The following ANO6 variants were observed in gnomAD, a reference collection of about 807,000 sequenced individuals.
ANO6 encodes the protein anoctamin-6.
A neutral mutation model predicts 117.5 loss-of-function variants in ANO6; 106 were observed. The ratio of observed to expected loss-of-function variants is 0.90; its 90% CI spans 0.77 to 1.06. The LOEUF (loss-of-function observed/expected upper bound fraction) is 1.06. Ranked by LOEUF, ANO6 falls within the 50% of genes least tolerant of loss-of-function variation. The probability of loss-of-function intolerance (pLI) is 0.00; values close to 1 mark genes in which losing one functional copy is unlikely to be tolerated. For missense variants in ANO6, 955 were observed against 1,121.1 expected (o/e 0.85, Z 2.12); for synonymous variants, 367 against 385.1 (o/e 0.95, Z 0.55).
chr12:45,391,342 A>G (rs1942444924), intron 12 of ANO6, among the ~76,000 whole-genome samples: 1 of 152,154 alleles, frequency 6.6e-6, no homozygotes, highest in Non-Finnish European at 1.5e-5. Flanking sequence ...ATTTAGTGTG[A>G]GTTTTAATGG....
chr12:45,323,810 T>C (rs1222580483), intron 2 of ANO6, among the ~76,000 whole-genome samples: 1 of 152,116 alleles, frequency 6.6e-6, no homozygotes, highest in African/African-American at 2.4e-5. Context: ...ACCTGCTAAA[T>C]AATAATAGCT....
intron 7 of ANO6, among the ~76,000 whole-genome samples, chr12:45,353,956 A>G (rs1941347316): frequency 6.6e-6 from 1 of 152,224 alleles, no homozygotes; most frequent in African/African-American, 2.4e-5. Flanking sequence ...CAAAACTTAT[A>G]AAGGGATAGA....
chr12:45,304,298 C>T (rs1393544381), intron 2 of ANO6, among the ~76,000 whole-genome samples: 3 of 152,102 alleles, frequency 2.0e-5, no homozygotes, highest in African/African-American at 4.8e-5. Flanking sequence ...AAGCTTACAG[C>T]GTCAGTGAAA....
chr12:45,391,684 T>C (rs1942453935), intron 12 of ANO6, among the ~76,000 whole-genome samples: 3 of 152,090 alleles, frequency 2.0e-5, no homozygotes, highest in African/African-American at 4.8e-5. Context: ...CTGGCCAACA[T>C]GGCGAAACCC....
chr12:45,223,661 A>G (rs1947439165), intron 1 of ANO6, among the ~76,000 whole-genome samples: 1 of 152,084 alleles, frequency 6.6e-6, no homozygotes, highest in Non-Finnish European at 1.5e-5. Flanking sequence ...TCCCATAACC[A>G]TAGTGTACAT....
At chr12:45,233,048 G>A (rs1947597555) in intron 1 of ANO6, among the ~76,000 whole-genome samples, 1 of 152,176 alleles carries the variant, frequency 6.6e-6, no homozygotes, top group Non-Finnish European at 1.5e-5. Flanking sequence ...TGGATTCTCA[G>A]CCAGAAATGG....
At chr12:45,338,124 C>T (rs1465211817) in intron 3 of ANO6, among the ~76,000 whole-genome samples, 1 of 152,064 alleles carries the variant, frequency 6.6e-6, no homozygotes. Context: ...TGCCTCTCAA[C>T]TTCTTAGTTG....
At chr12:45,438,251 ATG>A (rs58453929) in intron 19 of ANO6, among the ~76,000 whole-genome samples, 5,657 of 146,486 alleles carry the variant, frequency 0.039, 268 homozygotes, top group African/African-American at 0.12. Flanking sequence ...ATTTGCGTGT[ATG>A]TGTGTGTGTG....
intron 16 of ANO6, among the ~76,000 whole-genome samples, chr12:45,414,293 TTTG>T (rs911916779): frequency 6.6e-5 from 10 of 152,194 alleles, no homozygotes; most frequent in African/African-American, 1.9e-4. Flanking sequence ...GCGTTGACTT[TTTG>T]TTGTTGTTAT....
chr12:45,233,756 T>A (rs879941120), intron 1 of ANO6, among the ~76,000 whole-genome samples: 2 of 152,196 alleles, frequency 1.3e-5, no homozygotes, highest in Non-Finnish European at 2.9e-5. Context: ...TCCAGCACCC[T>A]TGTACCCCTT....
rs1478549644 is a variant in ANO6 at position 45,348,214 on chromosome 12, G to C, written c.532G>C (p.Glu178Gln). Reference sequence around the variant, plus strand: ...TGTAGACGAAAGCATCATCAAGCCAGAGCAAGAGTTTTTCACTGCCCCATT... The same window carrying C: ...TGTAGACGAAAGCATCATCAAGCCACAGCAAGAGTTTTTCACTGCCCCATT... The part of the protein sequence containing the change: ...LSVDESIIKP[E>Q]QEFFTAPFEK... Residue 178 changes from glutamate to glutamine, a missense_variant, in exon 5 of 20, where the codon GAG (glutamate) becomes CAG (glutamine). Coordinates refer to ENST00000320560, the MANE Select transcript of ANO6 (RefSeq NM_001025356.3). 6.2e-7 allele frequency: 1 copy of C among 1,613,994 alleles called. No homozygotes were observed. Among genetic ancestry groups the C allele is most frequent in the South Asian group, 1.1e-5 (1 of 91,064 alleles).
At position 45,401,803 on chromosome 12, in the gene ANO6, G is replaced by T. The variant is rs1565753168; in HGVS notation, c.1395G>T (p.Leu465Phe). Residue 465 changes from leucine to phenylalanine, a missense_variant, in exon 13 of 20, where the codon TTG (leucine) becomes TTT (phenylalanine). Coordinates refer to ENST00000320560, the MANE Select transcript of ANO6 (RefSeq NM_001025356.3). ...CASAVFFWIL[L>F]IIASVIGIIV... ...GTTTGTTGTGCTTTCAGATCCTATT[G>T]ATCATCGCTTCAGTTATTGGGATCA... is the stretch of plus-strand genomic sequence containing the variant. 1.2e-6 allele frequency: 2 copies of T among 1,612,986 alleles called. No homozygotes were observed. The highest frequency in any genetic ancestry group is 1.7e-6 in the Non-Finnish European group (2 of 1,179,740).
chr12:45,357,302 A>G lies in ANO6; in HGVS notation c.876A>G (p.Gly292=). Reference sequence around the variant, plus strand: ...TGTCTTTCTTCAGGAAATACTATGGAGAGAAGATTGGAATCTACTTTGCTT... The same window carrying G: ...TGTCTTTCTTCAGGAAATACTATGGGGAGAAGATTGGAATCTACTTTGCTT... ...QPLDLIRKYY[G]EKIGIYFAWL... is the part of the protein sequence containing the mutation. The change falls in exon 8 of 20, where the codon GGA becomes GGG. Residue 292 remains glycine, a synonymous_variant. Transcript: ENST00000320560. The G allele has an allele frequency of 6.2e-7, 1 of 1,613,880 alleles. No homozygotes were observed. Among genetic ancestry groups the G allele is most frequent in the Non-Finnish European group, 8.5e-7 (1 of 1,179,976 alleles).
chr12:45,358,276 A>G (rs1185035403), intron 8 of ANO6, among the ~76,000 whole-genome samples: 1 of 152,214 alleles, frequency 6.6e-6, no homozygotes, highest in Admixed American at 6.5e-5. Flanking sequence ...TGATGGATAG[A>G]CATAATTACG....
chr12:45,240,617 C>A (rs540905865), intron 1 of ANO6, among the ~76,000 whole-genome samples: 1 of 151,860 alleles, frequency 6.6e-6, no homozygotes, highest in South Asian at 2.1e-4. Context: ...TTATTTTGAC[C>A]GTTAATTGAG....
chr12:45,253,852 C>T (rs909260528), intron 1 of ANO6, among the ~76,000 whole-genome samples: 6 of 152,170 alleles, frequency 3.9e-5, no homozygotes, highest in Middle Eastern at 3.2e-3. Context: ...CAGAACTCTC[C>T]ATGTAATAAT....
intron 9 of ANO6, among the ~76,000 whole-genome samples, chr12:45,376,731 T>C (rs1233529634): frequency 4.7e-5 from 7 of 148,746 alleles, no homozygotes; most frequent in African/African-American, 1.2e-4. Context: ...AGGGATAGCA[T>C]TGGGAGGTAT....
At chr12:45,278,164 C>T (rs1413941457) in intron 1 of ANO6, among the ~76,000 whole-genome samples, 1 of 152,074 alleles carries the variant, frequency 6.6e-6, no homozygotes, top group Non-Finnish European at 1.5e-5. Flanking sequence ...TCTGTGTTGC[C>T]CAGGCTGGTC....
intron 6 of ANO6, 27 bp downstream of exon 6, chr12:45,348,658 A>AAAGGCC: frequency 6.5e-7 from 1 of 1,542,406 alleles, no homozygotes. Context: ...AAATGAACTA[A>AAAGGCC]AAGGCCTTCT....
Sources: allele counts gnomAD v4.1 joint callset (sites outside exome capture counted in the v4.1 genomes callset), GRCh38; gene constraint gnomAD v4.1.1; transcripts MANE v1.5; gene names NCBI Gene and HGNC (gene_info 2026-07-23, HGNC 2026-07-21).